MAP3K14: variants seen among roughly 807,000 people sequenced by gnomAD.
The protein encoded by MAP3K14 is NF-kappa-beta-inducing kinase.
A neutral mutation model predicts 99.2 loss-of-function variants in MAP3K14; 16 were observed. That is an observed-to-expected ratio of 0.16 (90% confidence interval 0.11 to 0.24). The LOEUF (loss-of-function observed/expected upper bound fraction) is 0.24, where lower values mean the gene tolerates loss of function less well. Among genes scored for constraint, MAP3K14 ranks in the 10% least tolerant of loss-of-function variants. The pLI is 1.00. For missense variants in MAP3K14, 784 were observed against 1,208.7 expected (o/e 0.65, Z 5.21); for synonymous variants, 462 against 492.4 (o/e 0.94, Z 0.82).
chr17:45,313,528 C>T (rs1228020577), intron 1 of MAP3K14, among the ~76,000 whole-genome samples: 4 of 152,136 alleles, frequency 2.6e-5, no homozygotes, highest in Non-Finnish European at 5.9e-5. Context: ...TGGCAGACCT[C>T]GACCTGACCC....
intron 1 of MAP3K14, among the ~76,000 whole-genome samples, chr17:45,306,620 G>C (rs145806701): frequency 6.6e-6 from 1 of 152,284 alleles, no homozygotes; most frequent in African/African-American, 2.4e-5. Flanking sequence ...CTGGCTGCAG[G>C]CTTCTTGAAC....
At chr17:45,310,511 TA>T (rs2044466392) in intron 1 of MAP3K14, among the ~76,000 whole-genome samples, 1 of 152,178 alleles carries the variant, frequency 6.6e-6, no homozygotes, top group Non-Finnish European at 1.5e-5. Flanking sequence ...TTGGCTACAA[TA>T]ATTCTTTGCA....
chr17:45,302,653 G>A (rs1362773043), intron 1 of MAP3K14, among the ~76,000 whole-genome samples: 1 of 152,212 alleles, frequency 6.6e-6, no homozygotes, highest in South Asian at 2.1e-4. Context: ...AGAATCTCTT[G>A]GCATGGGATG....
intron 6 of MAP3K14, among the ~76,000 whole-genome samples, chr17:45,284,154 A>G (rs1831138052): frequency 6.6e-6 from 1 of 151,900 alleles, no homozygotes; most frequent in Admixed American, 6.6e-5. Context: ...TCTACTCAAA[A>G]CTCTAGGACA....
At chr17:45,288,051 A>T (rs2044281198) in intron 3 of MAP3K14, among the ~76,000 whole-genome samples, 1 of 152,228 alleles carries the variant, frequency 6.6e-6, no homozygotes, top group African/African-American at 2.4e-5. Context: ...GCTGCAGAAC[A>T]GCTGTGGAGC....
intron 1 of MAP3K14, among the ~76,000 whole-genome samples, chr17:45,299,544 T>C (rs949278824): frequency 6.6e-6 from 1 of 152,160 alleles, no homozygotes; most frequent in Admixed American, 6.5e-5. Flanking sequence ...ATGTGATCCC[T>C]GGGACATAGA....
intron 1 of MAP3K14, among the ~76,000 whole-genome samples, chr17:45,306,008 T>C (rs946626594): frequency 6.6e-6 from 1 of 152,340 alleles, no homozygotes; most frequent in East Asian, 1.9e-4. Context: ...CATCTTTGAG[T>C]GTTACAACAA....
chr17:45,274,569 C>G lies in MAP3K14; in HGVS notation c.1315G>C (p.Glu439Gln). ...AATCCTGCACATGCCATCAGCTCCT[C>G]TGCCCGAAATACTTCCAGCCGCACC... ...KKVRLEVFRAEELMACAGLTS... is the reference protein window; with the variant it reads ...KKVRLEVFRAQELMACAGLTS... Residue 439 changes from glutamate (E) to glutamine (Q), a missense_variant, in exon 7 of 16, where the codon GAG (glutamate) becomes CAG (glutamine). By Grantham distance (29) the Glu-to-Gln change is conservative. Around this residue, in one of 5 missense-constraint regions of MAP3K14, gnomAD observed 200 missense variants for 367.9 expected, o/e 0.54. Coordinates refer to ENST00000344686, the MANE Select transcript of MAP3K14 (RefSeq NM_003954.5). 6.2e-7 allele frequency: 1 copy of G among 1,613,928 alleles called. No individual in the cohort carries two copies. Among genetic ancestry groups the G allele is most frequent in the Non-Finnish European group, 8.5e-7 (1 of 1,179,886 alleles).
intron 6 of MAP3K14, among the ~76,000 whole-genome samples, chr17:45,276,865 G>A (rs1195488421): frequency 1.1e-5 from 1 of 94,904 alleles, no homozygotes; most frequent in East Asian, 3.4e-4. Flanking sequence ...GTCTCGCTCT[G>A]TCACCAGGCT....
intron 6 of MAP3K14, among the ~76,000 whole-genome samples, chr17:45,280,383 A>C (rs573478609): frequency 6.9e-6 from 1 of 143,900 alleles, no homozygotes; most frequent in South Asian, 2.2e-4. Flanking sequence ...GGCTCACCGC[A>C]ACCTCCGCCT....
chr17:45,303,451 CT>C, intron 1 of MAP3K14, among the ~76,000 whole-genome samples: 1 of 152,252 alleles, frequency 6.6e-6, no homozygotes, highest in African/African-American at 2.4e-5. Context: ...ATCCCAGCTA[CT>C]TTGGAGGCTA....
In MAP3K14 at chr17:45,272,553, G is replaced by T. The variant is rs7214657; in HGVS notation, c.1657+950C>A. 0.79 allele frequency among the ~76,000 whole-genome samples: 120,627 copies of T among 152,188 alleles called. 48,296 individuals carry two copies. Among genetic ancestry groups the T allele is most frequent in the East Asian group, 0.9 (4,683 of 5,180 alleles). The stretch of plus-strand genomic sequence containing the variant: ...CAAAATGAAATCATTTTATCCTTAA[G>T]GCTATACATGAAAAACGCAGGGCAC... On this transcript the variant is annotated intron_variant, in intron 9 of 15. Coordinates refer to ENST00000344686, the MANE Select transcript of MAP3K14 (RefSeq NM_003954.5). The surrounding 1 kb of genome is among the most constrained non-coding windows in gnomAD (Gnocchi z 4.1).
intron 10 of MAP3K14, chr17:45,270,800 G>C: frequency 1.3e-6 from 1 of 750,840 alleles, no homozygotes; most frequent in Non-Finnish European, 2.1e-6. Flanking sequence ...GGCCCGGCCC[G>C]TTAGGAGGCA....
rs1236254182 is a variant in MAP3K14, at chr17:45,268,398, TTTTA to T, written c.1973-643_1973-640del. The T allele has an allele frequency of 7.9e-5, 12 of 152,342 alleles. 1 individual carries two copies. The highest frequency in any genetic ancestry group is 2.9e-4 in the African/African-American group (12 of 41,564). 9.4% of individuals were successfully genotyped at this position (152,342 alleles called of 1,614,324 possible). On this transcript the variant is annotated intron_variant, in intron 11 of 15. Transcript: ENST00000344686. ...TTGTGTCCTTGCAAAATGTGCGTTGTTTTATTTATCAATTTATTTTTATTTTTAT... is the reference window on the plus strand; with the variant it reads ...TTGTGTCCTTGCAAAATGTGCGTTGTTTTATCAATTTATTTTTATTTTTAT...
intron 1 of MAP3K14, among the ~76,000 whole-genome samples, chr17:45,292,286 C>T (rs34338668): frequency 0.016 from 2,394 of 152,242 alleles, 67 homozygotes; most frequent in African/African-American, 0.055. Context: ...CTGAGGGGGC[C>T]GGACATGGTG....
At chr17:45,285,588 T>C (rs1042048778) in intron 5 of MAP3K14, among the ~76,000 whole-genome samples, 10 of 151,948 alleles carry the variant, frequency 6.6e-5, no homozygotes, top group African/African-American at 2.2e-4. Context: ...ATAGTGCCAC[T>C]ACACTCCAGC....
At chr17:45,302,351 A>G (rs564611922) in intron 1 of MAP3K14, among the ~76,000 whole-genome samples, 1 of 152,276 alleles carries the variant, frequency 6.6e-6, no homozygotes, top group East Asian at 1.9e-4. Context: ...TCTATTGCCC[A>G]GGCTGGAGTG....
intron 14 of MAP3K14, 30 bp from the exon 15 acceptor site, chr17:45,265,293 G>GCCGCTCTCCTGACT: frequency 2.0e-6 from 3 of 1,492,678 alleles, no homozygotes; most frequent in Non-Finnish European, 2.8e-6. Context: ...ATAGTCAGGA[G>GCCGCTCTCCTGACT]AGCGGCTGCT....
At chr17:45,266,388 A>T in intron 14 of MAP3K14, 149 bp downstream of exon 14, 1 of 992,032 alleles carries the variant, frequency 1.0e-6, no homozygotes, top group Non-Finnish European at 1.5e-6. Context: ...AACCCAACTT[A>T]CTGGCCAGGA....
Sources: allele counts gnomAD v4.1 joint callset (sites outside exome capture counted in the v4.1 genomes callset), GRCh38; gene constraint gnomAD v4.1.1; regional missense constraint gnomAD v4.1.1; non-coding constraint Gnocchi (gnomAD v3.1); transcripts MANE v1.5; gene names NCBI Gene and HGNC (gene_info 2026-07-23, HGNC 2026-07-21).